The following NCK2 variants were observed in gnomAD, a reference collection of about 807,000 sequenced individuals.
NCK2 encodes cytoplasmic protein NCK2.
A neutral mutation model predicts 33.9 loss-of-function variants in NCK2; 16 were observed. The ratio of observed to expected loss-of-function variants is 0.47; its 90% confidence interval spans 0.32 to 0.72. NCK2 has a LOEUF of 0.72. Among genes scored for constraint, NCK2 ranks in the 30% least tolerant of loss-of-function variants. The pLI, the probability that NCK2 is intolerant of heterozygous loss-of-function variation, is 0.03. For synonymous variants in NCK2, 273 were observed against 239.9 expected (o/e 1.14, Z -1.27); for missense variants, 418 against 537.3 (o/e 0.78, Z 2.19).
intron 1 of NCK2, among the ~76,000 whole-genome samples, chr2:105,790,856 G>T (rs1193307234): frequency 6.6e-6 from 1 of 152,200 alleles, no homozygotes; most frequent in Non-Finnish European, 1.5e-5. Context: ...AGAAGGAAGG[G>T]TGTGGCAGGT....
At chr2:105,783,210 A>G (rs12996286) in intron 1 of NCK2, among the ~76,000 whole-genome samples, 31,206 of 152,094 alleles carry the variant, frequency 0.21, 3,674 homozygotes, top group Middle Eastern at 0.33. Context: ...CTTTAAGATG[A>G]TATGTAATCT....
chr2:105,786,083 ATCTC>A (rs535532503), intron 1 of NCK2, among the ~76,000 whole-genome samples: 50 of 152,210 alleles, frequency 3.3e-4, no homozygotes, highest in East Asian at 3.1e-3. Flanking sequence ...TCCACTGCAC[ATCTC>A]TCTATCAGTT....
chr2:105,855,160 G>C lies in NCK2; in HGVS notation c.97G>C (p.Asp33His). 6.2e-7 allele frequency: 1 copy of C among 1,614,210 alleles called. No homozygotes were observed. The highest frequency in any genetic ancestry group is 8.5e-7 in the Non-Finnish European group (1 of 1,180,026). Residue 33 changes from aspartate to histidine, a missense_variant, in exon 3 of 5, where the codon GAC becomes CAC. Physicochemically the swap from Asp to His is moderately conservative, Grantham distance 81. Transcript: ENST00000233154. ...GAAGAACGAGCGGCTGTGGTTGCTG[G>C]ACGACTCCAAGACGTGGTGGCGGGT... ...IKKNERLWLL[D>H]DSKTWWRVRN...
chr2:105,799,292 C>G (rs760294627), intron 1 of NCK2, among the ~76,000 whole-genome samples: 1 of 151,418 alleles, frequency 6.6e-6, no homozygotes, highest in Non-Finnish European at 1.5e-5. Flanking sequence ...GTTCTTCCTT[C>G]AGGGTTATAA....
intron 1 of NCK2, among the ~76,000 whole-genome samples, chr2:105,789,400 C>G (rs1690795533): frequency 6.6e-6 from 1 of 152,158 alleles, no homozygotes; most frequent in Non-Finnish European, 1.5e-5. Context: ...GTTGGCCAGG[C>G]TGGTCTCCCA....
intron 1 of NCK2, among the ~76,000 whole-genome samples, chr2:105,775,016 AATG>A (rs1488794865): frequency 6.6e-6 from 1 of 152,146 alleles, no homozygotes; most frequent in Admixed American, 6.5e-5. Context: ...CTGTCTCTAC[AATG>A]ATAATAATAA....
intron 3 of NCK2, among the ~76,000 whole-genome samples, chr2:105,860,636 A>G (rs3769504): frequency 0.61 from 91,842 of 151,632 alleles, 28,031 homozygotes; most frequent in Admixed American, 0.68. Flanking sequence ...ACAGTTGAAG[A>G]TTTGAGCAGG....
At chr2:105,781,972 T>A (rs1025583137) in intron 1 of NCK2, among the ~76,000 whole-genome samples, 1 of 152,190 alleles carries the variant, frequency 6.6e-6, no homozygotes, top group Non-Finnish European at 1.5e-5. Context: ...ACTATGAAGT[T>A]GAGAATGTCC....
At chr2:105,841,996 T>C (rs528858646) in intron 2 of NCK2, among the ~76,000 whole-genome samples, 3 of 152,136 alleles carry the variant, frequency 2.0e-5, no homozygotes, top group Non-Finnish European at 4.4e-5. Flanking sequence ...TGGCACTAGC[T>C]GCCCTGGGGC....
upstream of NCK2, among the ~76,000 whole-genome samples, chr2:105,744,615 C>A (rs1054584271): frequency 1.3e-5 from 2 of 152,020 alleles, no homozygotes; most frequent in Non-Finnish European, 2.9e-5. Flanking sequence ...CCTTTCCTGC[C>A]CCCGGCGCCC....
At chr2:105,891,370 T>C (rs1346119073) in intron 4 of NCK2, among the ~76,000 whole-genome samples, 1 of 152,102 alleles carries the variant, frequency 6.6e-6, no homozygotes, top group Non-Finnish European at 1.5e-5. Context: ...ATGTCCTGCA[T>C]GCACACACAT....
At position 105,805,009 on chromosome 2, in the gene NCK2, T is replaced by A. The variant is rs566766345; in HGVS notation, c.-200-11421T>A. On this transcript the variant is annotated intron_variant, in intron 1 of 4. Transcript: ENST00000233154. ...TTGAACCATAAATGGGGGAGAAGAG[T>A]CATTTTATCCAGAGCCTGCCATGGG... Among the ~76,000 whole-genome samples, 8 of 152,126 alleles carry A rather than the reference T, an allele frequency of 5.3e-5. No homozygotes were observed. The South Asian group carries it at 1.7e-3, about 32-fold the overall frequency.
At chr2:105,876,879 G>T (rs886542700) in intron 3 of NCK2, among the ~76,000 whole-genome samples, 2 of 152,274 alleles carry the variant, frequency 1.3e-5, no homozygotes, top group Admixed American at 1.3e-4. Flanking sequence ...AGAGGCAGTC[G>T]CTTAGAGCCT....
chr2:105,765,805 G>GTC lies in NCK2; in HGVS notation c.-201+20668_-201+20669insCT, dbSNP rs1315625559. 8.1e-4 allele frequency among the ~76,000 whole-genome samples: 122 copies of GTC among 151,512 alleles called. 2 individuals carry two copies. The highest frequency in any genetic ancestry group is 2.9e-3 in the African/African-American group (119 of 41,282). ...ATAGGGGGTGTGTGTGTGTGTGTGT[G>GTC]TGTGTGTGTGTCTGTGTGTGTGTGT... On this transcript the variant is annotated intron_variant, in intron 1 of 4. Coordinates refer to ENST00000233154, the MANE Select transcript of NCK2 (RefSeq NM_003581.5).
intron 1 of NCK2, among the ~76,000 whole-genome samples, chr2:105,765,394 C>T (rs10203262): frequency 0.049 from 7,471 of 152,284 alleles, 285 homozygotes; most frequent in South Asian, 0.11. Context: ...GTAGTGCTCA[C>T]GGATTTAGCA....
intron 1 of NCK2, among the ~76,000 whole-genome samples, chr2:105,769,982 C>A (rs1179456872): frequency 6.6e-6 from 1 of 151,984 alleles, no homozygotes; most frequent in African/African-American, 2.4e-5. Context: ...GCTACTTTAC[C>A]CTTGGTGCCT....
chr2:105,875,918 A>T (rs1415115907), intron 3 of NCK2, among the ~76,000 whole-genome samples: 2 of 152,240 alleles, frequency 1.3e-5, no homozygotes, highest in African/African-American at 4.8e-5. Flanking sequence ...TGTAAGAGTT[A>T]AAATCCTGCT....
intron 2 of NCK2, among the ~76,000 whole-genome samples, chr2:105,850,131 A>G (rs904298018): frequency 6.6e-6 from 1 of 152,198 alleles, no homozygotes; most frequent in African/African-American, 2.4e-5. Context: ...AGGAGAACAT[A>G]CAAATGGTTC....
chr2:105,745,543 C>A (rs1219640627), intron 1 of NCK2, among the ~76,000 whole-genome samples: 1 of 152,080 alleles, frequency 6.6e-6, no homozygotes, highest in Non-Finnish European at 1.5e-5. Flanking sequence ...AGCGTGGGAC[C>A]GTGCGGTGGC....
Sources: gnomAD v4.1 joint callset for allele counts (sites outside exome capture counted in the v4.1 genomes callset) on GRCh38, gnomAD v4.1.1 for gene constraint, MANE v1.5 for transcripts, NCBI Gene and HGNC (gene_info 2026-07-23, HGNC 2026-07-21) for gene names.